The following EPHA7 variants were observed in gnomAD, a reference collection of about 807,000 sequenced individuals.
EPHA7 encodes EPH receptor A7.
A neutral mutation model predicts 112.6 loss-of-function variants in EPHA7; 25 were observed. That is an observed-to-expected ratio of 0.22 (90% CI 0.16 to 0.31). EPHA7 has a LOEUF of 0.31. Among genes scored for constraint, EPHA7 ranks in the 10% least tolerant of loss-of-function variants. The pLI, the probability that EPHA7 is intolerant of heterozygous loss-of-function variation, is 1.00. For synonymous variants in EPHA7, 437 were observed against 406.5 expected, an observed-to-expected ratio of 1.07 and a Z score of -0.90; for missense variants, 962 against 1,212.6, an observed-to-expected ratio of 0.79 and a Z score of 3.07.
At chr6:93,343,919 GTTCT>G (rs1258665589) in intron 5 of EPHA7, among the ~76,000 whole-genome samples, 3 of 151,552 alleles carry the variant, frequency 2.0e-5, no homozygotes, top group African/African-American at 7.3e-5. Context: ...ATGGCTTTCT[GTTCT>G]TTGTTTATAT....
At chr6:93,306,816 A>G (rs1476506487) in intron 5 of EPHA7, among the ~76,000 whole-genome samples, 2 of 152,034 alleles carry the variant, frequency 1.3e-5, no homozygotes, top group African/African-American at 4.8e-5. Flanking sequence ...GAACCGAATT[A>G]TGACCTATTG....
chr6:93,371,743 A>G (rs1191791853), intron 3 of EPHA7, among the ~76,000 whole-genome samples: 2 of 152,228 alleles, frequency 1.3e-5, no homozygotes, highest in Non-Finnish European at 2.9e-5. Flanking sequence ...TGGTGCTATA[A>G]ACGAATATGT....
At chr6:93,295,706 C>A (rs1772626425) in intron 5 of EPHA7, among the ~76,000 whole-genome samples, 1 of 151,624 alleles carries the variant, frequency 6.6e-6, no homozygotes, top group Non-Finnish European at 1.5e-5. Context: ...ACATAATTGT[C>A]TTTACTCTAT....
In EPHA7 at chr6:93,269,523, T is replaced by C. The variant is rs765814125; in HGVS notation, c.1587A>G (p.Arg529=). The C allele has an allele frequency of 3.0e-5, 49 of 1,611,140 alleles. No homozygotes were observed. In the Admixed American group the frequency reaches 4.4e-4, roughly 14 times the overall value. Residue 529 remains arginine (R), a synonymous_variant, in exon 7 of 17, where the codon AGA becomes AGG. Transcript: ENST00000369303. ...TAAGYGNYSP[R]LDVATLEEAT... ...CTTCCTCTAGTGTAGCAACATCAAGTCTGGGACTGTAATTTCCATAACCAG... is the reference window on the plus strand; with the variant it reads ...CTTCCTCTAGTGTAGCAACATCAAGCCTGGGACTGTAATTTCCATAACCAG...
At chr6:93,252,724 T>C (rs1770270171) in intron 14 of EPHA7, among the ~76,000 whole-genome samples, 1 of 151,972 alleles carries the variant, frequency 6.6e-6, no homozygotes, top group African/African-American at 2.4e-5. Context: ...AATTTCACTG[T>C]ACAAACTGAC....
intron 2 of EPHA7, among the ~76,000 whole-genome samples, chr6:93,412,279 T>C (rs567118991): frequency 6.6e-6 from 1 of 150,630 alleles, no homozygotes; most frequent in East Asian, 2.0e-4. Context: ...ATATTTTAAC[T>C]ATTGTTTCAA....
At chr6:93,347,643 T>C (rs1235497094) in intron 5 of EPHA7, among the ~76,000 whole-genome samples, 1 of 151,856 alleles carries the variant, frequency 6.6e-6, no homozygotes, top group Non-Finnish European at 1.5e-5. Context: ...TGAAATTTGT[T>C]TTCTCACAGT....
chr6:93,418,625 C>G (rs1217655231), intron 1 of EPHA7, among the ~76,000 whole-genome samples: 2 of 152,214 alleles, frequency 1.3e-5, no homozygotes, highest in African/African-American at 4.8e-5. Context: ...GCGCCGCACG[C>G]CGCGCTTCAC....
intron 3 of EPHA7, among the ~76,000 whole-genome samples, chr6:93,388,246 T>C (rs1021845406): frequency 6.6e-6 from 1 of 152,140 alleles, no homozygotes; most frequent in African/African-American, 2.4e-5. Flanking sequence ...TTCAATGACA[T>C]TTCACCATAA....
In EPHA7 at chr6:93,293,556, T is replaced by C. The variant is rs556966923; in HGVS notation, c.1325-21134A>G. Among the ~76,000 whole-genome samples the C allele has an allele frequency of 7.4e-3, 1,120 of 152,312 alleles. 17 individuals are homozygous for C. The highest frequency in any genetic ancestry group is 0.026 in the African/African-American group (1,074 of 41,572). ...AAGAAAATATCGTCATTCTCACGTC[T>C]TTTTAAAACCAATCTGTCGACACTG... On this transcript the variant is annotated intron_variant, in intron 5 of 16. Transcript: ENST00000369303.
intron 3 of EPHA7, among the ~76,000 whole-genome samples, chr6:93,397,000 T>C (rs1778208506): frequency 1.3e-5 from 2 of 151,782 alleles, no homozygotes; most frequent in African/African-American, 4.8e-5. Context: ...ATATTATTTT[T>C]AGTGTTACTG....
chr6:93,396,239 A>G (rs1778164698), intron 3 of EPHA7, among the ~76,000 whole-genome samples: 1 of 152,040 alleles, frequency 6.6e-6, no homozygotes, highest in Middle Eastern at 3.4e-3. Flanking sequence ...TTGATGACTA[A>G]TGTGTAAACA....
intron 5 of EPHA7, among the ~76,000 whole-genome samples, chr6:93,273,066 A>T (rs554510916): frequency 3.9e-5 from 6 of 152,068 alleles, no homozygotes; most frequent in Non-Finnish European, 8.8e-5. Context: ...TGTAATTTAT[A>T]CCTACGTAAC....
At chr6:93,272,223 A>G (rs1771258109) in intron 6 of EPHA7, 75 bp downstream of exon 6, 4 of 1,546,986 alleles carry the variant, frequency 2.6e-6, no homozygotes, top group Non-Finnish European at 3.5e-6. Context: ...ATAATGACCA[A>G]CTTTAGTCTA....
At chr6:93,292,440 G>A (rs1772428317) in intron 5 of EPHA7, among the ~76,000 whole-genome samples, 2 of 152,008 alleles carry the variant, frequency 1.3e-5, no homozygotes, top group African/African-American at 4.8e-5. Context: ...TGGGAAACCT[G>A]ATGATTTAGG....
chr6:93,390,716 G>A (rs1192773045), intron 3 of EPHA7, among the ~76,000 whole-genome samples: 1 of 151,782 alleles, frequency 6.6e-6, no homozygotes, highest in Non-Finnish European at 1.5e-5. Flanking sequence ...ATTTTTAAAG[G>A]AAATAAATAA....
chr6:93,362,177 T>A (rs1776294300), intron 3 of EPHA7, among the ~76,000 whole-genome samples: 1 of 152,000 alleles, frequency 6.6e-6, no homozygotes, highest in Non-Finnish European at 1.5e-5. Flanking sequence ...TTTCATATGT[T>A]AAGCAAGTTT....
intron 2 of EPHA7, among the ~76,000 whole-genome samples, chr6:93,414,218 T>G (rs1779113965): frequency 6.6e-6 from 1 of 151,920 alleles, no homozygotes; most frequent in African/African-American, 2.4e-5. Context: ...TTATAGTAAA[T>G]TGTATACCAA....
At chr6:93,353,677 C>T (rs926510694) in intron 5 of EPHA7, among the ~76,000 whole-genome samples, 2 of 152,062 alleles carry the variant, frequency 1.3e-5, no homozygotes, top group East Asian at 1.9e-4. Flanking sequence ...GTTTAGTTTC[C>T]TCTAACATCA....
Sources: gnomAD v4.1 joint callset for allele counts (sites outside exome capture counted in the v4.1 genomes callset) on GRCh38, gnomAD v4.1.1 for gene constraint, MANE v1.5 for transcripts, NCBI Gene and HGNC (gene_info 2026-07-23, HGNC 2026-07-21) for gene names.